The following CACHD1 variants were observed in gnomAD, a reference collection of about 807,000 sequenced individuals.
CACHD1 encodes the protein VWFA and cache domain-containing protein 1.
In CACHD1, 71 loss-of-function variants were observed where a neutral mutation model predicts 138.7. The ratio of observed to expected loss-of-function variants is 0.51; its 90% CI spans 0.42 to 0.62. The LOEUF (loss-of-function observed/expected upper bound fraction) is 0.62, where lower values mean the gene tolerates loss of function less well. Ranked by LOEUF, CACHD1 falls within the 20% of genes least tolerant of loss-of-function variation. The pLI, the probability that CACHD1 is intolerant of heterozygous loss-of-function variation, is 0.00. For synonymous variants in CACHD1, 578 were observed against 591.5 expected (o/e 0.98, Z 0.33); for missense variants, 1,389 against 1,625.3 (o/e 0.85, Z 2.50).
chr1:64,670,109 A>T (rs1259116807), intron 16 of CACHD1, among the ~76,000 whole-genome samples: 3 of 152,180 alleles, frequency 2.0e-5, no homozygotes, highest in African/African-American at 7.2e-5. Context: ...GTACAACTTC[A>T]TGGTATATGC....
intron 1 of CACHD1, among the ~76,000 whole-genome samples, chr1:64,526,905 T>C (rs1489295947): frequency 6.6e-6 from 1 of 152,148 alleles, no homozygotes; most frequent in Admixed American, 6.5e-5. Flanking sequence ...CATTTATTCC[T>C]CTAGGGAAAG....
chr1:64,641,587 G>A (rs118095767), intron 7 of CACHD1, among the ~76,000 whole-genome samples: 3 of 152,234 alleles, frequency 2.0e-5, no homozygotes, highest in East Asian at 1.9e-4. Flanking sequence ...AATATATTAG[G>A]AACATCTCCT....
In CACHD1 at chr1:64,629,496, A is replaced by T; in HGVS notation, c.644+15A>T. On this transcript the variant is annotated intron_variant, in intron 5 of 26. Coordinates refer to ENST00000651257, the MANE Select transcript of CACHD1 (RefSeq NM_020925.4). ...CACCGCAGTAGGTATGTTGACTTGCATGCTAAAGTTTTTAATTATTGCTTA... is the reference window on the plus strand; with the variant it reads ...CACCGCAGTAGGTATGTTGACTTGCTTGCTAAAGTTTTTAATTATTGCTTA... 1 of 1,610,524 alleles carries T rather than the reference A, an allele frequency of 6.2e-7. No homozygotes were observed. The highest frequency in any genetic ancestry group is 2.2e-5 in the East Asian group (1 of 44,854).
chr1:64,631,532 TG>T (rs1648303763), intron 5 of CACHD1, among the ~76,000 whole-genome samples: 1 of 152,210 alleles, frequency 6.6e-6, no homozygotes, highest in Non-Finnish European at 1.5e-5. Context: ...CCCAGGCTTT[TG>T]TGATTCAGCT....
intron 1 of CACHD1, among the ~76,000 whole-genome samples, chr1:64,503,258 A>T (rs1030233869): frequency 3.3e-5 from 5 of 152,232 alleles, no homozygotes; most frequent in African/African-American, 1.2e-4. Context: ...GTTTTGGTAC[A>T]GTTGTCTAAT....
chr1:64,597,521 G>GTTT (rs1647164030), intron 3 of CACHD1, among the ~76,000 whole-genome samples: 8 of 63,844 alleles, frequency 1.3e-4, no homozygotes, highest in African/African-American at 5.3e-4. Context: ...TTTTTTTTTT[G>GTTT]TTGTTTTTTT....
At chr1:64,593,033 A>G (rs1647120302) in intron 3 of CACHD1, among the ~76,000 whole-genome samples, 1 of 152,192 alleles carries the variant, frequency 6.6e-6, no homozygotes, top group African/African-American at 2.4e-5. Flanking sequence ...TCTATTAACT[A>G]AAGGGTGAAA....
intron 1 of CACHD1, among the ~76,000 whole-genome samples, chr1:64,476,746 C>T (rs1480984596): frequency 6.6e-6 from 1 of 152,158 alleles, no homozygotes; most frequent in East Asian, 1.9e-4. Context: ...TGGCCTTATT[C>T]CTTGTGCTTA....
chr1:64,513,858 T>C (rs1434347688), intron 1 of CACHD1, among the ~76,000 whole-genome samples: 1 of 152,184 alleles, frequency 6.6e-6, no homozygotes, highest in Non-Finnish European at 1.5e-5. Context: ...ATGTTGGAAA[T>C]CCAGATTTTT....
chr1:64,613,357 TATAAAAATATAAAAAA>T (rs966157495), intron 4 of CACHD1: 15 of 140,094 alleles, frequency 1.1e-4, no homozygotes, highest in African/African-American at 2.2e-4. Flanking sequence ...AGTGTAAAAA[TATAAAAATATAAAAAA>T]ATAAAAATAT....
intron 1 of CACHD1, among the ~76,000 whole-genome samples, chr1:64,511,831 C>T (rs1252177322): frequency 6.6e-6 from 1 of 152,158 alleles, no homozygotes; most frequent in Non-Finnish European, 1.5e-5. Context: ...ACTACAGTTG[C>T]CTTCCTTTGA....
rs1646135390 is a variant in CACHD1 at position 64,470,393 on chromosome 1, T to A, written c.-352T>A. Reference sequence around the variant, plus strand: ...GCTCGGCTCGGGCTCCGACTCCGACTCCGATTCCGACTGTCAGCCCCGGGG... The same window carrying A: ...GCTCGGCTCGGGCTCCGACTCCGACACCGATTCCGACTGTCAGCCCCGGGG... On this transcript the variant is annotated 5_prime_UTR_variant, in exon 1 of 27. Coordinates refer to ENST00000651257, the MANE Select transcript of CACHD1 (RefSeq NM_020925.4). This position sits in a 1 kb window ranked among gnomAD's most constrained non-coding sequence, Gnocchi z 5.2. 6.6e-6 allele frequency among the ~76,000 whole-genome samples: 1 copy of A among 151,336 alleles called. No individual in the cohort carries two copies. The highest frequency in any genetic ancestry group is 2.4e-5 in the African/African-American group (1 of 41,254).
Position 64,666,068 on chromosome 1 carries a change from C to T in CACHD1, c.2288C>T (p.Ala763Val). ...TTGGTCTCCATTAGGTATCTCCATG[C>T]AGTAGCTAATCCAGGGTTGATTTCT... ...DPTRRQWYLH[A>V]VANPGLISLT... The change falls in exon 16 of 27, where the codon GCA (alanine) becomes GTA (valine). Residue 763 changes from alanine to valine, a missense_variant. By Grantham distance (64) the Ala-to-Val change is moderately conservative. Coordinates refer to ENST00000651257, the MANE Select transcript of CACHD1 (RefSeq NM_020925.4). The T allele has an allele frequency of 6.3e-7, 1 of 1,594,812 alleles. No individual in the cohort carries two copies.
chr1:64,555,404 A>AC (rs879555259), intron 2 of CACHD1, among the ~76,000 whole-genome samples: 8 of 151,922 alleles, frequency 5.3e-5, no homozygotes, highest in Non-Finnish European at 8.8e-5. Flanking sequence ...TGCCTCTCTC[A>AC]CTTAAGACTT....
chr1:64,597,959 G>A (rs1647170812), intron 3 of CACHD1, among the ~76,000 whole-genome samples: 1 of 152,144 alleles, frequency 6.6e-6, no homozygotes, highest in Non-Finnish European at 1.5e-5. Flanking sequence ...AGGGCGAATA[G>A]CATGTTTCTT....
intron 8 of CACHD1, among the ~76,000 whole-genome samples, chr1:64,645,714 C>T (rs1335107539): frequency 6.6e-6 from 1 of 152,104 alleles, no homozygotes; most frequent in African/African-American, 2.4e-5. Context: ...TTGTGGCTGC[C>T]AGCCCCCGTG....
chr1:64,536,026 C>T (rs1646630311), intron 1 of CACHD1, among the ~76,000 whole-genome samples: 1 of 152,158 alleles, frequency 6.6e-6, no homozygotes, highest in African/African-American at 2.4e-5. Context: ...AAGCTGTGAC[C>T]ATAAGGTTGA....
In CACHD1 at chr1:64,673,181, G is replaced by A. The variant is rs1449653685; in HGVS notation, c.2534G>A (p.Gly845Asp). Residue 845 changes from glycine to aspartate, a missense_variant, in exon 18 of 27, where the codon GGT becomes GAT. Around this residue, in one of 5 missense-constraint regions of CACHD1, gnomAD observed 1,000 missense variants for 1,114.7 expected, o/e 0.90. Coordinates refer to ENST00000651257, the MANE Select transcript of CACHD1 (RefSeq NM_020925.4). ...AGGTGCTTCATAATGGAGGACAGGG[G>A]TTATCTGGTGGCGCACCCGACTCTC... ...KIRCFIMEDR[G>D]YLVAHPTLID... 6.2e-7 allele frequency: 1 copy of A among 1,613,578 alleles called. No homozygotes were observed. Among genetic ancestry groups the A allele is most frequent in the Non-Finnish European group, 8.5e-7 (1 of 1,179,978 alleles).
chr1:64,560,195 C>T (rs1443492378), intron 2 of CACHD1, among the ~76,000 whole-genome samples: 1 of 151,902 alleles, frequency 6.6e-6, no homozygotes, highest in East Asian at 1.9e-4. Context: ...AATTTGGCTT[C>T]CTTAATTTTC....
Sources: allele counts gnomAD v4.1 joint callset (sites outside exome capture counted in the v4.1 genomes callset), GRCh38; gene constraint gnomAD v4.1.1; regional missense constraint gnomAD v4.1.1; non-coding constraint Gnocchi (gnomAD v3.1); transcripts MANE v1.5; gene names NCBI Gene and HGNC (gene_info 2026-07-23, HGNC 2026-07-21).